Variants in KIAA1671 observed in about 807,000 individuals in gnomAD.
The protein encoded by KIAA1671 is KIAA1671.
In KIAA1671, 52 loss-of-function variants were observed where a neutral mutation model predicts 131.2. That is an observed-to-expected ratio of 0.40 (90% CI 0.32 to 0.50). The LOEUF (loss-of-function observed/expected upper bound fraction) is 0.50, where lower values mean the gene tolerates loss of function less well. Among genes scored for constraint, KIAA1671 ranks in the 20% least tolerant of loss-of-function variants. The pLI is 0.73. For missense variants in KIAA1671, 2,360 were observed against 2,364.2 expected (o/e 1.00, Z 0.04); for synonymous variants, 1,003 against 961.6 (o/e 1.04, Z -0.80).
chr22:25,043,803 G>C (rs1927073647), intron 5 of KIAA1671, among the ~76,000 whole-genome samples: 1 of 152,176 alleles, frequency 6.6e-6, no homozygotes, highest in Non-Finnish European at 1.5e-5. Flanking sequence ...GTAGAATGTT[G>C]TGGGGGACAT....
chr22:25,035,055 T>C (rs1484765575), intron 4 of KIAA1671, among the ~76,000 whole-genome samples: 19 of 113,198 alleles, frequency 1.7e-4, no homozygotes, highest in East Asian at 1.4e-3. Context: ...TTTTTTTTTT[T>C]CTAATTTTTG....
chr22:25,180,276 C>CA (rs1348541528), intron 9 of KIAA1671, among the ~76,000 whole-genome samples: 2 of 152,238 alleles, frequency 1.3e-5, no homozygotes, highest in African/African-American at 2.4e-5. Flanking sequence ...CGTGGTGGCT[C>CA]ACGCCTGTAA....
chr22:25,044,475 C>G (rs1203447337), intron 5 of KIAA1671, among the ~76,000 whole-genome samples: 1 of 152,120 alleles, frequency 6.6e-6, no homozygotes, highest in Admixed American at 6.5e-5. Context: ...GGGCTCAGCT[C>G]TGTCCCGCAG....
At chr22:25,023,774 G>C (rs1203621862) in intron 1 of KIAA1671, 1 of 151,984 alleles carries the variant, frequency 6.6e-6, no homozygotes, top group Non-Finnish European at 1.5e-5. Flanking sequence ...GTGAAACCCC[G>C]TCTCTACCAA....
chr22:25,060,299 C>G (rs1466091622), intron 6 of KIAA1671: 1 of 152,308 alleles, frequency 6.6e-6, no homozygotes, highest in African/African-American at 2.4e-5. Flanking sequence ...TCTCCTGACT[C>G]AGCCTCCTGA....
intron 1 of KIAA1671, among the ~76,000 whole-genome samples, chr22:24,999,201 A>G (rs11705195): frequency 0.01 from 1,523 of 152,286 alleles, 41 homozygotes; most frequent in East Asian, 0.055. Flanking sequence ...GCGTAGTAGT[A>G]CAGTATTTTA....
chr22:25,119,442 A>T (rs769898625), intron 6 of KIAA1671, among the ~76,000 whole-genome samples: 9 of 152,206 alleles, frequency 5.9e-5, no homozygotes, highest in Non-Finnish European at 1.0e-4. Context: ...AAAACCACTC[A>T]TTCATTCATT....
chr22:24,981,611 A>T (rs906867838), intron 1 of KIAA1671, among the ~76,000 whole-genome samples: 1 of 152,184 alleles, frequency 6.6e-6, no homozygotes, highest in Non-Finnish European at 1.5e-5. Context: ...GGGGATCTGT[A>T]TTCAAAAGGA....
rs1483131716 is a variant in KIAA1671 at position 25,174,441 on chromosome 22, A to G, written c.4851A>G (p.Pro1617=). 2 of 1,546,346 alleles carry G rather than the reference A, an allele frequency of 1.3e-6. No homozygotes were observed. Among genetic ancestry groups the G allele is most frequent in the East Asian group, 4.9e-5 (2 of 40,738 alleles). Residue 1617 remains proline, a synonymous_variant, in exon 8 of 13, where the codon CCA becomes CCG. Transcript: ENST00000358431. The part of the protein sequence containing the change: ...ESTDGMEGPP[P]PDACPEKRVD... ...CCGATGGGATGGAGGGGCCGCCTCC[A>G]CCGGACGCCTGCCCTGAAAAGAGAG... is the stretch of plus-strand genomic sequence containing the variant.
At chr22:25,118,985 C>T (rs1327427800) in intron 6 of KIAA1671, among the ~76,000 whole-genome samples, 1 of 152,190 alleles carries the variant, frequency 6.6e-6, no homozygotes, top group Non-Finnish European at 1.5e-5. Flanking sequence ...ACCCATCCTA[C>T]ATTTCTTCCT....
intron 6 of KIAA1671, among the ~76,000 whole-genome samples, chr22:25,103,199 C>A (rs1050949660): frequency 7.0e-6 from 1 of 143,176 alleles, no homozygotes; most frequent in Non-Finnish European, 1.5e-5. Flanking sequence ...TGGGCAAGTC[C>A]CCCCCCAACC....
intron 1 of KIAA1671, among the ~76,000 whole-genome samples, chr22:25,015,331 G>A (rs1033386584): frequency 2.0e-5 from 3 of 151,942 alleles, no homozygotes; most frequent in African/African-American, 7.3e-5. Flanking sequence ...GCAAAACCAG[G>A]CAGTGGGCTA....
chr22:25,093,762 CTCTCTG>C lies in KIAA1671; in HGVS notation c.4530+44404_4530+44409del, dbSNP rs1568951145. Among the ~76,000 whole-genome samples the C allele has an allele frequency of 1.0e-3, 117 of 112,692 alleles. 1 individual carries two copies. Among genetic ancestry groups the C allele is most frequent in the Non-Finnish European group, 1.3e-3 (68 of 53,192 alleles). The allele number at this position is 112,692 out of a possible 152,430, so 73.9% of individuals were successfully genotyped here. ...ACTCTCTCTCTCTCTCTCTCTCTCT[CTCTCTG>C]TCTCTCTCTCTCTCTCTCTCTCTCT... On this transcript the variant is annotated intron_variant, in intron 6 of 12. Coordinates refer to ENST00000358431, the MANE Select transcript of KIAA1671 (RefSeq NM_001145206.2).
At chr22:25,011,145 CT>C (rs71191015) in intron 1 of KIAA1671, 342 of 143,020 alleles carry the variant, frequency 2.4e-3, no homozygotes, top group African/African-American at 2.5e-3. Context: ...CCTTGCTAAT[CT>C]TTTTTTTTTT....
At chr22:25,073,665 T>C (rs1928946286) in intron 6 of KIAA1671, among the ~76,000 whole-genome samples, 1 of 152,190 alleles carries the variant, frequency 6.6e-6, no homozygotes, top group Admixed American at 6.5e-5. Flanking sequence ...TTTAACATCT[T>C]TCCATTCCTC....
At chr22:24,995,168 A>G (rs904336849) in intron 1 of KIAA1671, among the ~76,000 whole-genome samples, 18 of 150,618 alleles carry the variant, frequency 1.2e-4, no homozygotes, top group Admixed American at 4.6e-4. Context: ...CTCCTGCCTC[A>G]GCCTCCTGAG....
chr22:25,138,914 T>G (rs1339749297), intron 6 of KIAA1671, among the ~76,000 whole-genome samples: 1 of 152,144 alleles, frequency 6.6e-6, no homozygotes, highest in Non-Finnish European at 1.5e-5. Flanking sequence ...TCCAGAGATC[T>G]CAGGAAGATG....
chr22:25,058,018 C>A (rs1927949917), intron 6 of KIAA1671: 1 of 152,156 alleles, frequency 6.6e-6, no homozygotes, highest in African/African-American at 2.4e-5. Flanking sequence ...TTTAAGACTT[C>A]AGGGTGTGAT....
chr22:25,027,576 C>T (rs1946660266), intron 2 of KIAA1671, among the ~76,000 whole-genome samples: 1 of 152,206 alleles, frequency 6.6e-6, no homozygotes, highest in South Asian at 2.1e-4. Flanking sequence ...CCTCTTGCTT[C>T]CTGGGTGACT....
Sources: gnomAD v4.1 joint callset for allele counts (sites outside exome capture counted in the v4.1 genomes callset) on GRCh38, gnomAD v4.1.1 for gene constraint, MANE v1.5 for transcripts, NCBI Gene and HGNC (gene_info 2026-07-23, HGNC 2026-07-21) for gene names.